The following FAM114A2 variants were observed in gnomAD, a reference collection of about 807,000 sequenced individuals.
The protein encoded by FAM114A2 is protein FAM114A2.
Under a neutral mutation model 58.4 loss-of-function variants are expected in FAM114A2, and 53 were observed. The observed-to-expected ratio is 0.91, with a 90% confidence interval of 0.73 to 1.14. The LOEUF (loss-of-function observed/expected upper bound fraction) is 1.14. FAM114A2 is among the 50% of genes most tolerant of loss of function. The pLI is 0.00. For synonymous variants in FAM114A2, 228 were observed against 211.4 expected, an observed-to-expected ratio of 1.08 and a Z score of -0.68; for missense variants, 601 against 581.1, an observed-to-expected ratio of 1.03 and a Z score of -0.35.
At chr5:153,994,671 T>A in intron 13 of FAM114A2, 2 of 368,168 alleles carry the variant, frequency 5.4e-6, no homozygotes, top group Non-Finnish European at 1.0e-5. Context: ...TCCATTAAGC[T>A]GTCAAGGATT....
intron 9 of FAM114A2, among the ~76,000 whole-genome samples, chr5:154,007,016 T>C (rs1770397482): frequency 6.6e-6 from 1 of 152,018 alleles, no homozygotes; most frequent in African/African-American, 2.4e-5. Context: ...AGGTTGGTCT[T>C]GAACTCCTGA....
intron 9 of FAM114A2, among the ~76,000 whole-genome samples, chr5:154,004,756 G>A (rs1310893099): frequency 6.6e-6 from 1 of 151,794 alleles, no homozygotes; most frequent in Non-Finnish European, 1.5e-5. Context: ...ACCACTACTT[G>A]AGTTCAGATC....
rs1771034290 is a variant in FAM114A2 at position 154,016,259 on chromosome 5, C to T, written c.914-4939G>A. On this transcript the variant is annotated intron_variant, in intron 8 of 13. Coordinates refer to ENST00000351797, the MANE Select transcript of FAM114A2 (RefSeq NM_018691.4). ...CTTAGGCATCCAAATACAAGAAGCT[C>T]AAAGAACATCTGGGAAATTCATCGC... is the stretch of plus-strand genomic sequence containing the variant. 1.3e-5 allele frequency among the ~76,000 whole-genome samples: 2 copies of T among 152,126 alleles called. 1 individual carries two copies. The highest frequency in any genetic ancestry group is 4.1e-4 in the South Asian group (2 of 4,822).
At chr5:154,002,447 C>G (rs1166511345) in intron 10 of FAM114A2, 57 bp from the exon 11 acceptor site, 2 of 1,555,966 alleles carry the variant, frequency 1.3e-6, no homozygotes, top group African/African-American at 2.7e-5. Context: ...GGAAAGATAC[C>G]ACCTTACTTC....
chr5:154,024,497 C>A (rs1185405945), intron 8 of FAM114A2, among the ~76,000 whole-genome samples: 4 of 152,092 alleles, frequency 2.6e-5, no homozygotes, highest in Non-Finnish European at 5.9e-5. Context: ...CAGCTAAATT[C>A]TCTTATCTAC....
intron 11 of FAM114A2, among the ~76,000 whole-genome samples, chr5:154,001,754 G>T (rs1193689263): frequency 1.3e-5 from 2 of 152,236 alleles, no homozygotes; most frequent in East Asian, 3.9e-4. Context: ...AGGACACTCA[G>T]TCAGACCTGG....
intron 11 of FAM114A2, 96 bp downstream of exon 11, chr5:154,002,155 A>C: frequency 8.5e-7 from 1 of 1,173,622 alleles, no homozygotes; most frequent in Non-Finnish European, 1.3e-6. Context: ...GTGTGACGTG[A>C]ATGGTTTCTT....
intron 9 of FAM114A2, 120 bp downstream of exon 9, chr5:154,011,121 T>C: frequency 1.4e-6 from 1 of 717,346 alleles, no homozygotes; most frequent in Non-Finnish European, 2.3e-6. Flanking sequence ...ATTCTGGGTA[T>C]AACGAGAATA....
intron 8 of FAM114A2, among the ~76,000 whole-genome samples, chr5:154,023,614 G>A (rs1771582354): frequency 6.6e-6 from 1 of 152,116 alleles, no homozygotes; most frequent in South Asian, 2.1e-4. Context: ...GGGCTTCGGG[G>A]ACTCAGGGGG....
intron 1 of FAM114A2, chr5:154,036,581 G>T (rs938485374): frequency 6.6e-6 from 1 of 152,054 alleles, no homozygotes; most frequent in Non-Finnish European, 1.5e-5. Flanking sequence ...AGGCAGACTG[G>T]ATGCAGCACT....
At position 153,992,183 on chromosome 5, in the gene FAM114A2, A is replaced by G. The variant is rs1447760692; in HGVS notation, c.*793T>C. The G allele has an allele frequency of 1.3e-5, 2 of 152,198 alleles. No homozygotes were observed. Among genetic ancestry groups the G allele is most frequent in the African/African-American group, 4.8e-5 (2 of 41,458 alleles). 9.4% of individuals were successfully genotyped at this position (152,198 alleles called of 1,614,324 possible). A position where few individuals can be genotyped will look rare whatever the true frequency, so the allele number is the denominator to read the frequency against. ...CTGTTAAAGAATTTATCCTGCATAT[A>G]TGGTAGACACGAAACACATCCTGAA... On this transcript the variant is annotated 3_prime_UTR_variant, in exon 14 of 14. Coordinates refer to ENST00000351797, the MANE Select transcript of FAM114A2 (RefSeq NM_018691.4).
At chr5:154,022,362 GAGA>G (rs1466494396) in intron 8 of FAM114A2, among the ~76,000 whole-genome samples, 1 of 152,174 alleles carries the variant, frequency 6.6e-6, no homozygotes, top group Admixed American at 6.5e-5. Context: ...TACAGAATGG[GAGA>G]AGATGTTTGC....
chr5:154,027,523 C>T (rs752112267), intron 6 of FAM114A2, 189 bp from the exon 7 acceptor site: 174 of 440,342 alleles, frequency 4.0e-4, no homozygotes, highest in African/African-American at 1.0e-4. Context: ...TAATTTGAGA[C>T]GGAGTTTCAC....
chr5:154,010,652 C>T (rs1770629832), intron 9 of FAM114A2, among the ~76,000 whole-genome samples: 1 of 152,184 alleles, frequency 6.6e-6, no homozygotes, highest in African/African-American at 2.4e-5. Context: ...CAAGAGCAGG[C>T]ACTGGCTTAT....
chr5:154,011,303 T>C lies in FAM114A2; in HGVS notation c.931A>G (p.Lys311Glu), dbSNP rs1165468724. ...TGGGAAAACAGCTCTGTTATGTCCT[T>C]GGTAAAATCTTCATCCCCTAAAAAA... ...EEKKGDEDFT[K>E]DITELFSQLH... The change falls in exon 9 of 14, where the codon AAG becomes GAG. Residue 311 changes from lysine (K) to glutamate (E), a missense_variant. Physicochemically the swap from Lys to Glu is moderately conservative, Grantham distance 56 (BLOSUM62 1). Coordinates refer to ENST00000351797, the MANE Select transcript of FAM114A2 (RefSeq NM_018691.4). The C allele has an allele frequency of 6.2e-7, 1 of 1,612,442 alleles. No individual in the cohort carries two copies. The highest frequency in any genetic ancestry group is 2.2e-5 in the East Asian group (1 of 44,846).
At chr5:154,002,482 G>A (rs1770044392) in intron 10 of FAM114A2, 92 bp from the exon 11 acceptor site, 3 of 1,323,912 alleles carry the variant, frequency 2.3e-6, no homozygotes, top group South Asian at 2.5e-5. Context: ...ATTTGTAGCA[G>A]AGACTAATAG....
intron 8 of FAM114A2, among the ~76,000 whole-genome samples, chr5:154,021,539 C>CATG (rs1275980925): frequency 6.6e-6 from 1 of 152,140 alleles, no homozygotes; most frequent in East Asian, 1.9e-4. Context: ...AGTGAACTCC[C>CATG]ATTCACAATT....
intron 9 of FAM114A2, among the ~76,000 whole-genome samples, chr5:154,005,117 T>C (rs181096239): frequency 2.2e-4 from 33 of 152,318 alleles, no homozygotes; most frequent in African/African-American, 7.9e-4. Flanking sequence ...AACTATGTAT[T>C]ATAGGATAGC....
At chr5:154,031,047 T>A (rs773584784) in intron 4 of FAM114A2, among the ~76,000 whole-genome samples, 4 of 151,954 alleles carry the variant, frequency 2.6e-5, no homozygotes, top group Non-Finnish European at 5.9e-5. Flanking sequence ...CACAGCAGCT[T>A]ATACCTGTAA....
Sources: gnomAD v4.1 joint callset for allele counts (sites outside exome capture counted in the v4.1 genomes callset) on GRCh38, gnomAD v4.1.1 for gene constraint, MANE v1.5 for transcripts, NCBI Gene and HGNC (gene_info 2026-07-23, HGNC 2026-07-21) for gene names.